Variants in BAZ2B observed in about 807,000 individuals in gnomAD.
BAZ2B encodes the protein bromodomain adjacent to zinc finger domain 2B.
BAZ2B carries 91 observed loss-of-function variants against 246.0 expected under a neutral mutation model. The ratio of observed to expected loss-of-function variants is 0.37; its 90% CI spans 0.31 to 0.44. The LOEUF (loss-of-function observed/expected upper bound fraction) is 0.44, where lower values mean the gene tolerates loss of function less well. Ranked by LOEUF, BAZ2B falls within the 20% of genes least tolerant of loss-of-function variation. BAZ2B has a pLI of 1.00. For missense variants in BAZ2B, 2,332 were observed against 2,533.7 expected (o/e 0.92, Z 1.71); for synonymous variants, 855 against 860.0 (o/e 0.99, Z 0.10).
intron 2 of BAZ2B, among the ~76,000 whole-genome samples, chr2:159,486,734 GA>G (rs1418517025): frequency 6.6e-6 from 1 of 151,224 alleles, no homozygotes; most frequent in Non-Finnish European, 1.5e-5. Context: ...ATACATAAAG[GA>G]TATTTATTAC....
At chr2:159,675,551 A>G in the BAZ2B span, among the ~76,000 whole-genome samples, 1 of 152,186 alleles carries the variant, frequency 6.6e-6, no homozygotes, top group Non-Finnish European at 1.5e-5. Context: ...AAGAAATACT[A>G]AAAAACGGAT....
chr2:159,567,627 T>C (rs1045608851), intron 1 of BAZ2B, among the ~76,000 whole-genome samples: 3 of 152,172 alleles, frequency 2.0e-5, no homozygotes, highest in Admixed American at 2.0e-4. Flanking sequence ...GTTTGCAATA[T>C]CCAGAGTAGC....
At chr2:159,547,010 T>C (rs1029417682) in intron 2 of BAZ2B, among the ~76,000 whole-genome samples, 5 of 152,000 alleles carry the variant, frequency 3.3e-5, no homozygotes, top group African/African-American at 9.7e-5. Context: ...ACACTGAAAA[T>C]ATAAAGCTAC....
chr2:159,431,054 G>A lies in BAZ2B; in HGVS notation c.2003C>T (p.Thr668Ile). The A allele has an allele frequency of 6.2e-7, 1 of 1,613,962 alleles. No individual in the cohort carries two copies. Among genetic ancestry groups the A allele is most frequent in the African/African-American group, 1.3e-5 (1 of 75,016 alleles). The change falls in exon 10 of 37, where the codon ACT (threonine) becomes ATT (isoleucine). Residue 668 changes from threonine (T) to isoleucine (I), a missense_variant. Thr to Ile is a moderately conservative substitution (Grantham distance 89). Around this residue, in one of 9 missense-constraint regions of BAZ2B, gnomAD observed 651 missense variants for 650.9 expected, o/e 1.00. Transcript: ENST00000392783. Reference sequence around the variant, plus strand: ...AGTTGTTTTATTCAGTTTCATTGAAGTTTTCTCTCCTTCAGTATCACTATC... The same window carrying A: ...AGTTGTTTTATTCAGTTTCATTGAAATTTTCTCTCCTTCAGTATCACTATC... ...ESDSDTEGEK[T>I]SMKLNKTTSS...
rs569110663 is a variant in BAZ2B at position 159,608,343 on chromosome 2, C to A, written c.-46+7899G>T. Among the ~76,000 whole-genome samples the A allele has an allele frequency of 5.3e-5, 8 of 152,190 alleles. No homozygotes were observed. In the East Asian group the frequency reaches 1.5e-3, roughly 29 times the overall value. ...TAAACTGGGATCGTGCCACTGCACTCCAGCCTGGACAACAGAGTGAGACCC... is the reference window on the plus strand; with the variant it reads ...TAAACTGGGATCGTGCCACTGCACTACAGCCTGGACAACAGAGTGAGACCC... On this transcript the variant is annotated intron_variant, in intron 1 of 36. Transcript: ENST00000392783.
chr2:159,350,128 C>T lies in BAZ2B; in HGVS notation c.4443G>A (p.Glu1481=), dbSNP rs761399391. The T allele has an allele frequency of 1.2e-6, 2 of 1,614,104 alleles. No homozygotes were observed. Among genetic ancestry groups the T allele is most frequent in the South Asian group, 2.2e-5 (2 of 91,086 alleles). Residue 1481 remains glutamate (E), a synonymous_variant, in exon 28 of 37, where the codon GAG becomes GAA. Coordinates refer to ENST00000392783, the MANE Select transcript of BAZ2B (RefSeq NM_013450.4). ...KLLEVAKMPP[E]SEVMTPKPNA... ...TTGGTTTGGGGGTCATAACCTCTGA[C>T]TCAGGAGGCATCTTAGCTACTTCCA...
chr2:159,541,058 G>A (rs553793244), intron 2 of BAZ2B, among the ~76,000 whole-genome samples: 2 of 152,178 alleles, frequency 1.3e-5, no homozygotes, highest in South Asian at 4.1e-4. Context: ...ACATTTCCTA[G>A]ATTTGTATTT....
chr2:159,321,671 C>A (rs1312440427), intron 36 of BAZ2B, among the ~76,000 whole-genome samples: 2 of 152,168 alleles, frequency 1.3e-5, no homozygotes, highest in Non-Finnish European at 2.9e-5. Flanking sequence ...ACACAAACAT[C>A]ACGTGTTCTC....
chr2:159,359,639 G>A (rs1180015410), intron 27 of BAZ2B, among the ~76,000 whole-genome samples: 1 of 152,008 alleles, frequency 6.6e-6, no homozygotes, highest in Non-Finnish European at 1.5e-5. Flanking sequence ...ACCAAAACCT[G>A]GCAGAAACAC....
chr2:159,640,370 C>T, the BAZ2B span, among the ~76,000 whole-genome samples: 1 of 152,102 alleles, frequency 6.6e-6, no homozygotes, highest in Non-Finnish European at 1.5e-5. Flanking sequence ...ATTTACAGAA[C>T]ATTTCATGCA....
upstream of BAZ2B, chr2:159,617,044 T>C (rs768033550): frequency 5.3e-5 from 8 of 152,204 alleles, no homozygotes; most frequent in Non-Finnish European, 7.3e-5. Context: ...CTGTAATGTT[T>C]ATGCACTAAG....
intron 1 of BAZ2B, among the ~76,000 whole-genome samples, chr2:159,611,641 GTATT>G (rs1350855856): frequency 1.3e-5 from 2 of 151,808 alleles, no homozygotes; most frequent in East Asian, 3.8e-4. Context: ...CATATTTTAA[GTATT>G]TATTTTTGTA....
At chr2:159,471,466 T>C (rs1484440400) in intron 3 of BAZ2B, among the ~76,000 whole-genome samples, 2 of 152,104 alleles carry the variant, frequency 1.3e-5, no homozygotes, top group Admixed American at 1.3e-4. Context: ...TGTGCTTGCC[T>C]GTAGTCCCAG....
intron 2 of BAZ2B, among the ~76,000 whole-genome samples, chr2:159,496,765 A>G (rs955891559): frequency 2.1e-5 from 3 of 142,080 alleles, no homozygotes; most frequent in Non-Finnish European, 4.6e-5. Flanking sequence ...CCTGGGCAAC[A>G]AGAGGGAAAC....
chr2:159,574,059 A>T (rs780188258), intron 1 of BAZ2B, among the ~76,000 whole-genome samples: 18 of 151,886 alleles, frequency 1.2e-4, no homozygotes, highest in Admixed American at 2.0e-4. Context: ...ATGATGTGCC[A>T]CTGCACTCTA....
intron 1 of BAZ2B, among the ~76,000 whole-genome samples, chr2:159,585,664 A>G (rs367602050): frequency 1.3e-5 from 2 of 152,238 alleles, no homozygotes; most frequent in East Asian, 3.8e-4. Context: ...ACAGACTTCT[A>G]CTTTCTCCTT....
Position 159,438,334 on chromosome 2 carries a change from C to A in BAZ2B, c.1262G>T (p.Ser421Ile), listed in dbSNP as rs1184888589. 11 of 1,613,694 alleles carry A rather than the reference C, an allele frequency of 6.8e-6. No homozygotes were observed. The highest frequency in any genetic ancestry group is 9.3e-6 in the Non-Finnish European group (11 of 1,179,906). Residue 421 changes from serine (S) to isoleucine (I), a missense_variant, in exon 8 of 37, where the codon AGT becomes ATT. Transcript: ENST00000392783. ...AGNKNTSEES[S>I]LLTSELRSKR... is the part of the protein sequence containing the mutation. ...GGATCTCAATTCACTGGTCAATAAACTAGATTCTTCAGAGGTATTTTTATT... is the reference window on the plus strand; with the variant it reads ...GGATCTCAATTCACTGGTCAATAAAATAGATTCTTCAGAGGTATTTTTATT...
chr2:159,420,892 AT>A (rs957638154), intron 13 of BAZ2B, among the ~76,000 whole-genome samples: 4 of 152,176 alleles, frequency 2.6e-5, no homozygotes, highest in Admixed American at 6.5e-5. Flanking sequence ...ACCTTACACC[AT>A]TTTCAAAGGT....
chr2:159,605,314 G>A (rs1418560702), intron 1 of BAZ2B, among the ~76,000 whole-genome samples: 2 of 152,152 alleles, frequency 1.3e-5, no homozygotes, highest in African/African-American at 2.4e-5. Context: ...GGGATTACAG[G>A]TGTGAGGCAC....
Sources: allele counts gnomAD v4.1 joint callset (sites outside exome capture counted in the v4.1 genomes callset), GRCh38; gene constraint gnomAD v4.1.1; regional missense constraint gnomAD v4.1.1; transcripts MANE v1.5; gene names NCBI Gene and HGNC (gene_info 2026-07-23, HGNC 2026-07-21).